Variants in BICDL1 observed in about 807,000 individuals in gnomAD.
BICDL1 encodes BICD family-like cargo adapter 1.
BICDL1 carries 20 observed loss-of-function variants against 76.8 expected under a neutral mutation model. The ratio of observed to expected loss-of-function variants is 0.26; its 90% CI spans 0.18 to 0.38. The LOEUF (loss-of-function observed/expected upper bound fraction) is 0.38. Ranked by LOEUF, BICDL1 falls within the 10% of genes least tolerant of loss-of-function variation. The probability of loss-of-function intolerance (pLI) is 1.00; values close to 1 mark genes in which losing one functional copy is unlikely to be tolerated. For missense variants in BICDL1, 700 were observed against 798.6 expected (o/e 0.88, Z 1.49); for synonymous variants, 383 against 337.1 (o/e 1.14, Z -1.49).
At chr12:120,078,113 A>C (rs1273223363) in intron 7 of BICDL1, among the ~76,000 whole-genome samples, 1 of 152,072 alleles carries the variant, frequency 6.6e-6, no homozygotes, top group Non-Finnish European at 1.5e-5. Context: ...TCATATCTCC[A>C]TGCTATTCAG....
rs141897523 is a variant in BICDL1 at position 120,016,596 on chromosome 12, A to T, written c.645+17860A>T. Among the ~76,000 whole-genome samples the T allele has an allele frequency of 3.2e-3, 482 of 151,422 alleles. 2 individuals carry two copies. The highest frequency in any genetic ancestry group is 0.011 in the African/African-American group (456 of 41,292). On this transcript the variant is annotated intron_variant, in intron 2 of 9. Coordinates refer to ENST00000548673, the MANE Select transcript of BICDL1 (RefSeq NM_001367886.1). Reference sequence around the variant, plus strand: ...GCCACCATGCCCAGCTAATTTTTGTATTTTTTGTAGAGACAGTTTTGCCAT... The same window carrying T: ...GCCACCATGCCCAGCTAATTTTTGTTTTTTTTGTAGAGACAGTTTTGCCAT...
chr12:120,055,181 C>T (rs988403243), intron 2 of BICDL1, among the ~76,000 whole-genome samples: 1 of 152,190 alleles, frequency 6.6e-6, no homozygotes, highest in Non-Finnish European at 1.5e-5. Context: ...CTCAATTATT[C>T]AGGCAAAATA....
intron 2 of BICDL1, among the ~76,000 whole-genome samples, chr12:120,026,194 G>T (rs1299215558): frequency 6.6e-6 from 1 of 152,070 alleles, no homozygotes; most frequent in Non-Finnish European, 1.5e-5. Context: ...TTCGACAAGT[G>T]CAGTTCATCA....
chr12:119,999,532 G>A (rs1222185325), intron 2 of BICDL1, among the ~76,000 whole-genome samples: 1 of 152,200 alleles, frequency 6.6e-6, no homozygotes, highest in African/African-American at 2.4e-5. Flanking sequence ...AAAGAAATGT[G>A]TATCTGTATT....
intron 2 of BICDL1, among the ~76,000 whole-genome samples, chr12:120,027,264 C>T (rs116385980): frequency 0.023 from 3,528 of 151,658 alleles, 147 homozygotes; most frequent in African/African-American, 0.081. Context: ...ACTCATGATC[C>T]GCCTGCCTTG....
chr12:120,079,181 A>G lies in BICDL1; in HGVS notation c.1453-1706A>G, dbSNP rs927845240. 1.3e-5 allele frequency among the ~76,000 whole-genome samples: 2 copies of G among 152,244 alleles called. No homozygotes were observed. The highest frequency in any genetic ancestry group is 4.8e-5 in the African/African-American group (2 of 41,450). On this transcript the variant is annotated intron_variant, in intron 7 of 9. Coordinates refer to ENST00000548673, the MANE Select transcript of BICDL1 (RefSeq NM_001367886.1). The surrounding 1 kb of genome is among the most constrained non-coding windows in gnomAD (Gnocchi z 4.3). ...TGTTTCCTGCTAGACTCTGCAGAGTATAAAACCCATTGCTTATGGTGGCAA... is the reference window on the plus strand; with the variant it reads ...TGTTTCCTGCTAGACTCTGCAGAGTGTAAAACCCATTGCTTATGGTGGCAA...
intron 2 of BICDL1, among the ~76,000 whole-genome samples, chr12:120,040,423 T>C (rs1406623024): frequency 1.3e-5 from 2 of 151,842 alleles, no homozygotes; most frequent in African/African-American, 2.4e-5. Flanking sequence ...TCTTTTCTTT[T>C]TGTTTTTTTG....
intron 2 of BICDL1, among the ~76,000 whole-genome samples, chr12:120,004,659 A>G (rs1951818907): frequency 6.6e-6 from 1 of 152,238 alleles, no homozygotes; most frequent in Non-Finnish European, 1.5e-5. Context: ...ATCTATGTTT[A>G]TGAAAGATTG....
chr12:120,011,439 C>A (rs936458096), intron 2 of BICDL1, among the ~76,000 whole-genome samples: 1 of 152,174 alleles, frequency 6.6e-6, no homozygotes, highest in African/African-American at 2.4e-5. Context: ...CTAAGATCTT[C>A]CAATTCTAAC....
rs200145211 is a variant in BICDL1, at chr12:120,027,671, C to A, written c.645+28935C>A. ...AGATTTCTTTGAGATCTTTAAAAAT[C>A]CAATTTGCACTCTGCAGGTGATGAT... is the stretch of plus-strand genomic sequence containing the variant. On this transcript the variant is annotated intron_variant, in intron 2 of 9. Coordinates refer to ENST00000548673, the MANE Select transcript of BICDL1 (RefSeq NM_001367886.1). Among the ~76,000 whole-genome samples, 4 of 152,146 alleles carry A rather than the reference C, an allele frequency of 2.6e-5. No individual in the cohort carries two copies. In the East Asian group the frequency reaches 7.7e-4, roughly 29 times the overall value.
intron 1 of BICDL1, 28 bp downstream of exon 1, chr12:119,990,325 G>T (rs1159902297): frequency 9.7e-6 from 15 of 1,547,560 alleles, no homozygotes; most frequent in African/African-American, 1.4e-5. Flanking sequence ...GGGATGGGTG[G>T]GGAGCAGGGG....
intron 2 of BICDL1, among the ~76,000 whole-genome samples, chr12:120,056,169 A>T (rs1412918164): frequency 6.6e-6 from 1 of 152,238 alleles, no homozygotes; most frequent in Non-Finnish European, 1.5e-5. Context: ...AGAGATTTTA[A>T]CTTTCATTTT....
At chr12:120,003,395 G>C (rs1951796246) in intron 2 of BICDL1, among the ~76,000 whole-genome samples, 1 of 152,164 alleles carries the variant, frequency 6.6e-6, no homozygotes, top group Non-Finnish European at 1.5e-5. Flanking sequence ...TTTTGTTGTT[G>C]TTGTTAAATG....
chr12:120,025,716 G>A (rs1322806964), intron 2 of BICDL1, among the ~76,000 whole-genome samples: 1 of 152,134 alleles, frequency 6.6e-6, no homozygotes, highest in Non-Finnish European at 1.5e-5. Flanking sequence ...GTGTAGTATA[G>A]TTGGAATTTT....
intron 4 of BICDL1, among the ~76,000 whole-genome samples, chr12:120,065,331 A>G (rs982645364): frequency 2.0e-5 from 3 of 152,336 alleles, no homozygotes; most frequent in African/African-American, 4.8e-5. Flanking sequence ...CCCACTGAAC[A>G]CAGCAAGATT....
chr12:120,052,034 C>T (rs551136369), intron 2 of BICDL1, among the ~76,000 whole-genome samples: 16 of 151,948 alleles, frequency 1.1e-4, no homozygotes, highest in African/African-American at 2.2e-4. Context: ...TCTGCCTCCC[C>T]GGTTCATGTG....
At chr12:120,090,722 C>CT (rs1417173314) in intron 9 of BICDL1, 2 of 388,544 alleles carry the variant, frequency 5.1e-6, no homozygotes, top group Non-Finnish European at 9.8e-6. Flanking sequence ...CCGTCTGTGG[C>CT]TTTACAAGGT....
Position 120,091,166 on chromosome 12 carries a change from C to T in BICDL1, c.1704+1095C>T, listed in dbSNP as rs189403437. The T allele has an allele frequency of 1.0e-5, 12 of 1,204,274 alleles. No individual in the cohort carries two copies. The East Asian group carries it at 6.3e-4, about 64-fold the overall frequency. The allele number at this position is 1,204,274 out of a possible 1,614,324, so 74.6% of individuals were successfully genotyped here. A position where few individuals can be genotyped will look rare whatever the true frequency, so the allele number is the denominator to read the frequency against. On this transcript the variant is annotated intron_variant, in intron 9 of 9. Coordinates refer to ENST00000548673, the MANE Select transcript of BICDL1 (RefSeq NM_001367886.1). The stretch of plus-strand genomic sequence containing the variant: ...GTGACATGCCCTCAAGTCCCAGCTC[C>T]CTCCTCCATCACAGTCGCGTCCAGT...
intron 2 of BICDL1, among the ~76,000 whole-genome samples, chr12:120,058,400 G>A (rs991936283): frequency 1.3e-5 from 2 of 152,046 alleles, no homozygotes; most frequent in African/African-American, 4.8e-5. Context: ...GCATCTCTGC[G>A]GCTTCGTTGT....
Sources: allele counts gnomAD v4.1 joint callset (sites outside exome capture counted in the v4.1 genomes callset), GRCh38; gene constraint gnomAD v4.1.1; non-coding constraint Gnocchi (gnomAD v3.1); transcripts MANE v1.5; gene names NCBI Gene and HGNC (gene_info 2026-07-23, HGNC 2026-07-21).